The following SYT16 variants were observed in gnomAD, a reference collection of about 807,000 sequenced individuals.
The protein encoded by SYT16 is synaptotagmin 16, also known as synaptotagmin-16.
SYT16 carries 42 observed loss-of-function variants against 61.4 expected under a neutral mutation model. That is an observed-to-expected ratio of 0.68 (90% CI 0.53 to 0.89). SYT16 has a LOEUF of 0.89. SYT16 is among the 40% of genes least tolerant of loss of function. The pLI is 0.00. For synonymous variants in SYT16, 314 were observed against 302.3 expected, an observed-to-expected ratio of 1.04 and a Z score of -0.40; for missense variants, 804 against 807.3, an observed-to-expected ratio of 1.00 and a Z score of 0.05.
chr14:62,054,899 CACA>C (rs2055478016), intron 3 of SYT16, among the ~76,000 whole-genome samples: 1 of 151,904 alleles, frequency 6.6e-6, no homozygotes, highest in African/African-American at 2.4e-5. Flanking sequence ...GCTAGAAACT[CACA>C]ACACCTGAAA....
intron 1 of SYT16, among the ~76,000 whole-genome samples, chr14:61,967,544 G>A (rs896694517): frequency 1.3e-5 from 2 of 152,084 alleles, no homozygotes; most frequent in Non-Finnish European, 2.9e-5. Flanking sequence ...TCCACCCTTC[G>A]CAGTCCTTAA....
At chr14:61,931,263 ATTCT>A (rs1287406868) in intron 1 of SYT16, among the ~76,000 whole-genome samples, 1 of 152,208 alleles carries the variant, frequency 6.6e-6, no homozygotes, top group African/African-American at 2.4e-5. Context: ...CCAAGTCAGG[ATTCT>A]TTCTTAGAGG....
chr14:62,001,997 A>C (rs2053037802), intron 3 of SYT16, among the ~76,000 whole-genome samples: 2 of 151,998 alleles, frequency 1.3e-5, no homozygotes. Flanking sequence ...TATGGCTTTT[A>C]ACATATTAAT....
At chr14:61,905,897 A>G (rs1303064441) in intron 1 of SYT16, among the ~76,000 whole-genome samples, 3 of 152,056 alleles carry the variant, frequency 2.0e-5, no homozygotes, top group South Asian at 2.1e-4. Context: ...GGCTGGGACT[A>G]TAGGCATGTG....
At chr14:61,899,614 T>C (rs982483772) in intron 1 of SYT16, among the ~76,000 whole-genome samples, 2 of 152,186 alleles carry the variant, frequency 1.3e-5, no homozygotes, top group Admixed American at 6.5e-5. Flanking sequence ...GCAACCGTGC[T>C]CATAGAGAAT....
At chr14:61,872,435 T>C (rs572935889) in intron 1 of SYT16, among the ~76,000 whole-genome samples, 1 of 152,194 alleles carries the variant, frequency 6.6e-6, no homozygotes, top group East Asian at 1.9e-4. Context: ...TAATATACCA[T>C]CATACCTGGG....
At chr14:61,876,397 GATA>G (rs1446718260) in intron 1 of SYT16, among the ~76,000 whole-genome samples, 2 of 152,156 alleles carry the variant, frequency 1.3e-5, no homozygotes, top group Non-Finnish European at 1.5e-5. Flanking sequence ...ATGTAATCAA[GATA>G]ATGAGGGATT....
At chr14:61,917,563 CAG>C (rs749508095) in intron 1 of SYT16, among the ~76,000 whole-genome samples, 9 of 152,106 alleles carry the variant, frequency 5.9e-5, no homozygotes, top group Non-Finnish European at 1.0e-4. Flanking sequence ...CAATTGAAAG[CAG>C]AGTCAGGAGG....
chr14:62,056,859 G>A (rs2055579218), intron 3 of SYT16, among the ~76,000 whole-genome samples: 1 of 152,214 alleles, frequency 6.6e-6, no homozygotes, highest in Admixed American at 6.5e-5. Flanking sequence ...AGGTTCTGAC[G>A]GCGTCGGAGG....
intron 2 of SYT16, among the ~76,000 whole-genome samples, chr14:61,982,424 C>A (rs886440270): frequency 2.0e-5 from 3 of 152,058 alleles, no homozygotes; most frequent in African/African-American, 7.2e-5. Context: ...TGGCAGCAGG[C>A]AAGATAGAGA....
At chr14:61,990,989 C>T (rs1349143721) in intron 2 of SYT16, among the ~76,000 whole-genome samples, 1 of 151,936 alleles carries the variant, frequency 6.6e-6, no homozygotes. Flanking sequence ...CCAATTAAAC[C>T]AAGATTTTAA....
At chr14:62,100,138 G>C (rs1316780675) in intron 7 of SYT16, among the ~76,000 whole-genome samples, 1 of 152,210 alleles carries the variant, frequency 6.6e-6, no homozygotes, top group East Asian at 1.9e-4. Context: ...TGTGCATGTA[G>C]AAGTACTAAT....
intron 3 of SYT16, among the ~76,000 whole-genome samples, chr14:62,057,141 C>T (rs1473808842): frequency 6.6e-6 from 1 of 152,142 alleles, no homozygotes; most frequent in East Asian, 1.9e-4. Context: ...TGGTTCCCAC[C>T]CAGATTGAGG....
At chr14:61,920,740 A>G (rs1420555969) in intron 1 of SYT16, among the ~76,000 whole-genome samples, 2 of 152,140 alleles carry the variant, frequency 1.3e-5, no homozygotes. Flanking sequence ...CAAATAGTTG[A>G]CTTATTGATT....
intron 3 of SYT16, among the ~76,000 whole-genome samples, chr14:61,999,160 G>C (rs2052889637): frequency 1.3e-5 from 2 of 151,518 alleles, no homozygotes; most frequent in South Asian, 4.2e-4. Flanking sequence ...GAGTTGTGAA[G>C]TGTTTTTCCT....
intron 1 of SYT16, among the ~76,000 whole-genome samples, chr14:61,899,734 G>T: frequency 6.6e-6 from 1 of 152,244 alleles, no homozygotes; most frequent in African/African-American, 2.4e-5. Context: ...AATCCTAGAT[G>T]AACAAAGCCC....
chr14:61,974,168 T>C (rs1038206970), intron 2 of SYT16, among the ~76,000 whole-genome samples: 1 of 152,122 alleles, frequency 6.6e-6, no homozygotes, highest in Non-Finnish European at 1.5e-5. Flanking sequence ...TTTTAGAAAT[T>C]TCTGCCTGAC....
intron 1 of SYT16, among the ~76,000 whole-genome samples, chr14:61,881,817 C>G (rs566718498): frequency 6.6e-6 from 1 of 152,282 alleles, no homozygotes; most frequent in South Asian, 2.1e-4. Context: ...TGTTTATCAT[C>G]TTCTTCTACA....
intron 4 of SYT16, among the ~76,000 whole-genome samples, chr14:62,071,542 T>C (rs1036570391): frequency 6.6e-6 from 1 of 152,228 alleles, no homozygotes; most frequent in Non-Finnish European, 1.5e-5. Context: ...TCAGCAGGAT[T>C]TTCACAGAAA....
Sources: gnomAD v4.1 joint callset for allele counts (sites outside exome capture counted in the v4.1 genomes callset) on GRCh38, gnomAD v4.1.1 for gene constraint, MANE v1.5 for transcripts, NCBI Gene and HGNC (gene_info 2026-07-23, HGNC 2026-07-21) for gene names.